CDR2: variants seen among roughly 807,000 people sequenced by gnomAD.
CDR2 encodes the protein cerebellar degeneration related protein 2, also known as cerebellar degeneration-related protein 2.
Under a neutral mutation model 48.4 loss-of-function variants are expected in CDR2, and 34 were observed. The ratio of observed to expected loss-of-function variants is 0.70; its 90% CI spans 0.53 to 0.94. The LOEUF (loss-of-function observed/expected upper bound fraction) is 0.94. Ranked by LOEUF, CDR2 falls within the 40% of genes least tolerant of loss-of-function variation. The probability of loss-of-function intolerance (pLI) is 0.00; values close to 1 mark genes in which losing one functional copy is unlikely to be tolerated. For synonymous variants in CDR2, 240 were observed against 219.7 expected (o/e 1.09, Z -0.82); for missense variants, 498 against 549.5 (o/e 0.91, Z 0.94).
chr16:22,355,163 C>A (rs770551497), intron 2 of CDR2, among the ~76,000 whole-genome samples: 2 of 152,206 alleles, frequency 1.3e-5, no homozygotes, highest in Non-Finnish European at 2.9e-5. Flanking sequence ...CTCAATAATT[C>A]CTTAACATCT....
At chr16:22,356,940 C>CAAAAAAA (rs1047380020) in intron 2 of CDR2, among the ~76,000 whole-genome samples, 2 of 28,872 alleles carry the variant, frequency 6.9e-5, no homozygotes, top group Non-Finnish European at 1.4e-4. Flanking sequence ...GACTCCATCT[C>CAAAAAAA]AAAAAAAAAA....
At chr16:22,352,110 G>T (rs906161757) in intron 2 of CDR2, among the ~76,000 whole-genome samples, 1 of 152,228 alleles carries the variant, frequency 6.6e-6, no homozygotes, top group East Asian at 1.9e-4. Flanking sequence ...AAATTAGTCC[G>T]GCGTGGTGGC....
At chr16:22,362,148 G>A (rs188310314) in intron 2 of CDR2, among the ~76,000 whole-genome samples, 1 of 152,184 alleles carries the variant, frequency 6.6e-6, no homozygotes, top group Admixed American at 6.5e-5. Flanking sequence ...TGATCCACCC[G>A]CCTTGGCCTA....
intron 2 of CDR2, among the ~76,000 whole-genome samples, chr16:22,351,134 T>C (rs1348306254): frequency 1.3e-5 from 2 of 152,224 alleles, no homozygotes; most frequent in Non-Finnish European, 2.9e-5. Context: ...GTCCTTGTGA[T>C]AGTTTGCTGA....
chr16:22,352,978 C>A (rs2048952402), intron 2 of CDR2, among the ~76,000 whole-genome samples: 1 of 152,142 alleles, frequency 6.6e-6, no homozygotes, highest in Non-Finnish European at 1.5e-5. Flanking sequence ...TTGATGGGAA[C>A]ATGTTCAATC....
At chr16:22,359,652 G>T (rs1321987074) in intron 2 of CDR2, among the ~76,000 whole-genome samples, 1 of 152,230 alleles carries the variant, frequency 6.6e-6, no homozygotes, top group African/African-American at 2.4e-5. Context: ...AATCTGAGGG[G>T]TAATTCATAT....
intron 1 of CDR2, among the ~76,000 whole-genome samples, chr16:22,373,077 C>T (rs755649452): frequency 1.1e-4 from 17 of 152,132 alleles, no homozygotes; most frequent in Non-Finnish European, 2.2e-4. Context: ...TTAAGGAGAA[C>T]CCTAGCACTC....
chr16:22,364,736 G>C (rs370262754), intron 2 of CDR2, among the ~76,000 whole-genome samples, 166 bp downstream of exon 2: 25 of 152,118 alleles, frequency 1.6e-4, no homozygotes, highest in Non-Finnish European at 2.8e-4. Flanking sequence ...GGTGGCAGGC[G>C]CCTGTAATCC....
At chr16:22,364,133 G>A (rs2049029165) in intron 2 of CDR2, among the ~76,000 whole-genome samples, 1 of 151,912 alleles carries the variant, frequency 6.6e-6, no homozygotes, top group African/African-American at 2.4e-5. Flanking sequence ...TGTAGAGATG[G>A]GGTTTTACCA....
In CDR2 at chr16:22,367,566, T is replaced by C. The variant is rs534434107; in HGVS notation, c.80-2552A>G. ...CTCAGTTATTGTCATAAAAGTATTA[T>C]GAAAAAAATTTATCATAAAAACAAG... On this transcript the variant is annotated intron_variant, in intron 1 of 4. Coordinates refer to ENST00000268383, the MANE Select transcript of CDR2 (RefSeq NM_001802.2). Among the ~76,000 whole-genome samples the C allele has an allele frequency of 2.6e-5, 4 of 152,306 alleles. No homozygotes were observed. The East Asian group carries it at 7.7e-4, about 29-fold the overall frequency.
chr16:22,356,609 C>T lies in CDR2; in HGVS notation c.193-6760G>A, dbSNP rs554994637. Among the ~76,000 whole-genome samples, 17 of 152,132 alleles carry T rather than the reference C, an allele frequency of 1.1e-4. No homozygotes were observed. In the South Asian group the frequency reaches 3.1e-3, roughly 28 times the overall value. The stretch of plus-strand genomic sequence containing the variant: ...CTCTACTAAAAATACAAAAATTCGC[C>T]GGGCATGATGGCAGGTGCCTGTAAT... On this transcript the variant is annotated intron_variant, in intron 2 of 4. Coordinates refer to ENST00000268383, the MANE Select transcript of CDR2 (RefSeq NM_001802.2).
intron 1 of CDR2, among the ~76,000 whole-genome samples, chr16:22,371,846 A>ATG (rs1491146081): frequency 2.5e-5 from 2 of 78,882 alleles, no homozygotes; most frequent in African/African-American, 9.5e-5. Context: ...AGAGGTTCAG[A>ATG]TATGTGTGTG....
rs1167187994 is a variant in CDR2 at position 22,347,706 on chromosome 16, C to G, written c.624G>C (p.Gln208His). Residue 208 changes from glutamine (Q) to histidine (H), a missense_variant, in exon 5 of 5, where the codon CAG (glutamine) becomes CAC (histidine). By Grantham distance (24) the Gln-to-His change is conservative. Transcript: ENST00000268383. Reference protein sequence around the residue: ...LKKTVTMLQAQLSLERQKRVT... With the variant: ...LKKTVTMLQAHLSLERQKRVT... ...CCCGCTTCTGCCGCTCCAGGCTCAG[C>G]TGGGCCTGCAACATTGTCACTGTTT... 1.9e-6 allele frequency: 3 copies of G among 1,614,060 alleles called. No homozygotes were observed. The highest frequency in any genetic ancestry group is 4.5e-5 in the East Asian group (2 of 44,894).
At chr16:22,349,918 G>A (rs2048931379) in intron 2 of CDR2, 69 bp from the exon 3 acceptor site, 1 of 1,477,030 alleles carries the variant, frequency 6.8e-7, no homozygotes, top group African/African-American at 1.4e-5. Flanking sequence ...GCTGGCTGCG[G>A]TGGCTCACGC....
At chr16:22,364,094 C>G (rs2049028837) in intron 2 of CDR2, among the ~76,000 whole-genome samples, 3 of 152,090 alleles carry the variant, frequency 2.0e-5, no homozygotes, top group African/African-American at 7.2e-5. Flanking sequence ...CACACGCCAC[C>G]ACACCAGCCT....
chr16:22,352,764 C>T (rs1400659801), intron 2 of CDR2, among the ~76,000 whole-genome samples: 2 of 152,158 alleles, frequency 1.3e-5, no homozygotes, highest in Non-Finnish European at 2.9e-5. Flanking sequence ...CCATGTAGAA[C>T]TGGCAGAATT....
At chr16:22,355,350 C>CG (rs879489464) in intron 2 of CDR2, among the ~76,000 whole-genome samples, 2 of 152,264 alleles carry the variant, frequency 1.3e-5, no homozygotes, top group South Asian at 2.1e-4. Context: ...ATCCCCTATC[C>CG]GGGGGGATGC....
Position 22,347,009 on chromosome 16 carries a change from C to G in CDR2, c.1321G>C (p.Asp441His), listed in dbSNP as rs145515892. The G allele has an allele frequency of 8.1e-6, 13 of 1,613,996 alleles. No homozygotes were observed. Among genetic ancestry groups the G allele is most frequent in the South Asian group, 3.3e-5 (3 of 91,080 alleles). ...SCIKKTKQEI[D>H]EQRTKYRSLS... Reference sequence around the variant, plus strand: ...GATCGGTATTTTGTTCTCTGTTCATCTATTTCCTGCTTAGTTTTCTTGATG... The same window carrying G: ...GATCGGTATTTTGTTCTCTGTTCATGTATTTCCTGCTTAGTTTTCTTGATG... The change falls in exon 5 of 5, where the codon GAT becomes CAT. Residue 441 changes from aspartate (D) to histidine (H), a missense_variant. Asp to His is a moderately conservative substitution (Grantham distance 81, BLOSUM62 -1). Coordinates refer to ENST00000268383, the MANE Select transcript of CDR2 (RefSeq NM_001802.2).
At position 22,364,892 on chromosome 16, in the gene CDR2, A is replaced by G; in HGVS notation, c.192+10T>C. 1 of 1,509,230 alleles carries G rather than the reference A, an allele frequency of 6.6e-7. No individual in the cohort carries two copies. The highest frequency in any genetic ancestry group is 1.1e-5 in the South Asian group (1 of 88,864). 93.5% of individuals were successfully genotyped at this position (1,509,230 alleles called of 1,614,324 possible). A position where few individuals can be genotyped will look rare whatever the true frequency, so the allele number is the denominator to read the frequency against. The stretch of plus-strand genomic sequence containing the variant: ...TGTCAAAAGTGTAACTCTCCTGCCA[A>G]GTGAATTACCTCAATTTCCTGTAAC... On this transcript the variant is annotated intron_variant, in intron 2 of 4. Transcript: ENST00000268383.
Sources: gnomAD v4.1 joint callset for allele counts (sites outside exome capture counted in the v4.1 genomes callset) on GRCh38, gnomAD v4.1.1 for gene constraint, MANE v1.5 for transcripts, NCBI Gene and HGNC (gene_info 2026-07-23, HGNC 2026-07-21) for gene names.